Variants in RAI1 observed in about 807,000 individuals in gnomAD.
RAI1 encodes retinoic acid-induced protein 1.
RAI1 carries 9 observed loss-of-function variants against 123.8 expected under a neutral mutation model. The ratio of observed to expected loss-of-function variants is 0.07; its 90% CI spans 0.04 to 0.13. The LOEUF is 0.13. RAI1 is among the 10% of genes least tolerant of loss of function. The pLI is 1.00. For missense variants in RAI1, 2,256 were observed against 2,545.8 expected, an observed-to-expected ratio of 0.89 and a Z score of 2.45; for synonymous variants, 1,231 against 1,127.3, an observed-to-expected ratio of 1.09 and a Z score of -1.84.
At chr17:17,704,507 G>T (rs1303483724) in intron 1 of RAI1, among the ~76,000 whole-genome samples, 1 of 152,126 alleles carries the variant, frequency 6.6e-6, no homozygotes, top group African/African-American at 2.4e-5. Context: ...CACCCGTGCC[G>T]GGCAGTGGGG....
At chr17:17,716,228 G>A (rs1343286197) in intron 1 of RAI1, among the ~76,000 whole-genome samples, 1 of 152,224 alleles carries the variant, frequency 6.6e-6, no homozygotes, top group African/African-American at 2.4e-5. Flanking sequence ...GGAAGTGGCT[G>A]GAGGGGTCAC....
intron 2 of RAI1, among the ~76,000 whole-genome samples, chr17:17,745,388 G>A (rs1916790073): frequency 6.6e-6 from 1 of 151,222 alleles, no homozygotes. Flanking sequence ...TCTAAGTCAG[G>A]GAGCCATTGA....
At position 17,780,817 on chromosome 17, in the gene RAI1, T is replaced by C. The variant is rs148828122; in HGVS notation, c.-16-12116T>C. On this transcript the variant is annotated intron_variant, in intron 2 of 5. Coordinates refer to ENST00000353383, the MANE Select transcript of RAI1 (RefSeq NM_030665.4). ...CTAGCTGGCTGGGGGAGAAGCCCCT[T>C]GAGAACCCCCACTCTGTAATGCTAG... 5.5e-4 allele frequency among the ~76,000 whole-genome samples: 84 copies of C among 152,324 alleles called. 1 individual carries two copies. The highest frequency in any genetic ancestry group is 8.2e-4 in the Non-Finnish European group (56 of 68,012).
intron 1 of RAI1, among the ~76,000 whole-genome samples, chr17:17,713,303 T>G (rs962717414): frequency 1.3e-5 from 2 of 152,102 alleles, no homozygotes; most frequent in Non-Finnish European, 2.9e-5. Context: ...GCCCAGGAGT[T>G]CAAGACTAGA....
intron 1 of RAI1, among the ~76,000 whole-genome samples, chr17:17,716,681 G>A (rs1203109313): frequency 6.6e-6 from 1 of 152,184 alleles, no homozygotes; most frequent in East Asian, 1.9e-4. Context: ...GACTCTGGGT[G>A]TGTTTTGTGT....
chr17:17,715,357 C>G (rs1915677293), intron 1 of RAI1, among the ~76,000 whole-genome samples: 1 of 152,252 alleles, frequency 6.6e-6, no homozygotes, highest in South Asian at 2.1e-4. Flanking sequence ...ATGCCTCTCT[C>G]TTCTGCTTGC....
chr17:17,738,674 G>A (rs936423366), intron 2 of RAI1, among the ~76,000 whole-genome samples: 6 of 152,232 alleles, frequency 3.9e-5, no homozygotes, highest in African/African-American at 1.4e-4. Flanking sequence ...CCAGCTTGCA[G>A]CTGTGTGTGT....
intron 2 of RAI1, among the ~76,000 whole-genome samples, chr17:17,728,911 G>A (rs1916180672): frequency 6.6e-6 from 1 of 152,164 alleles, no homozygotes; most frequent in Non-Finnish European, 1.5e-5. Flanking sequence ...AGGACCCCTG[G>A]GAGGCTGGGG....
At chr17:17,695,625 C>T (rs1249947611) in intron 1 of RAI1, among the ~76,000 whole-genome samples, 1 of 151,882 alleles carries the variant, frequency 6.6e-6, no homozygotes, top group Non-Finnish European at 1.5e-5. Context: ...TTCCCAAGTT[C>T]AAGCGATTCT....
Position 17,796,941 on chromosome 17 carries a change from C to T in RAI1, c.3993C>T (p.Ala1331=). The change falls in exon 3 of 6, where the codon GCC becomes GCT. Residue 1331 remains alanine (A), a synonymous_variant. Coordinates refer to ENST00000353383, the MANE Select transcript of RAI1 (RefSeq NM_030665.4). The surrounding 1 kb of genome is among the most constrained non-coding windows in gnomAD (Gnocchi z 5.8). ...PRKGRGLKLE[A]IVQKITSPSL... ...AGGGCCGGGGCCTGAAGCTGGAAGC[C>T]ATCGTGCAGAAGATCACCTCGCCCA... is the stretch of plus-strand genomic sequence containing the variant. The T allele has an allele frequency of 1.2e-6, 2 of 1,613,632 alleles. No individual in the cohort carries two copies. Among genetic ancestry groups the T allele is most frequent in the Non-Finnish European group, 1.7e-6 (2 of 1,180,036 alleles).
intron 2 of RAI1, among the ~76,000 whole-genome samples, chr17:17,734,400 T>C (rs1916360607): frequency 6.6e-6 from 1 of 152,056 alleles, no homozygotes; most frequent in Non-Finnish European, 1.5e-5. Flanking sequence ...GCCAAGATTG[T>C]ACCACTGCAC....
intron 1 of RAI1, among the ~76,000 whole-genome samples, chr17:17,710,781 C>T (rs1182018728): frequency 1.3e-5 from 2 of 152,240 alleles, no homozygotes; most frequent in African/African-American, 4.8e-5. Context: ...TCTGGGAAGC[C>T]TGTGCATTCT....
At chr17:17,807,319 G>A (rs2032614743) in intron 4 of RAI1, among the ~76,000 whole-genome samples, 1 of 152,082 alleles carries the variant, frequency 6.6e-6, no homozygotes, top group Admixed American at 6.5e-5. Flanking sequence ...CTGATGTCTG[G>A]CCAGGGAGGA....
chr17:17,802,225 C>T (rs531861445), intron 3 of RAI1: 5 of 464,622 alleles, frequency 1.1e-5, no homozygotes, highest in African/African-American at 4.0e-5. Context: ...TAGAGGAGGA[C>T]GGCATCAGAT....
At chr17:17,689,357 G>A (rs191244904) in intron 1 of RAI1, among the ~76,000 whole-genome samples, 210 of 152,254 alleles carry the variant, frequency 1.4e-3, no homozygotes, top group African/African-American at 4.9e-3. Context: ...TTCTTTTCTA[G>A]CCAGGTCAAG....
intron 3 of RAI1, 99 bp downstream of exon 3, chr17:17,798,612 C>T: frequency 6.5e-7 from 1 of 1,537,670 alleles, no homozygotes; most frequent in South Asian, 1.2e-5. Flanking sequence ...ACAGTGTGGG[C>T]CAAATGTGTC....
chr17:17,757,083 G>T (rs1168426494), intron 2 of RAI1, among the ~76,000 whole-genome samples: 1 of 152,172 alleles, frequency 6.6e-6, no homozygotes, highest in Admixed American at 6.5e-5. Context: ...GGAGGCCCAG[G>T]GAGGGATAGG....
Position 17,810,885 on chromosome 17 carries a change from C to A in RAI1, c.*904C>A, listed in dbSNP as rs1286214835. On this transcript the variant is annotated 3_prime_UTR_variant, in exon 6 of 6. Coordinates refer to ENST00000353383, the MANE Select transcript of RAI1 (RefSeq NM_030665.4). The surrounding 1 kb of genome is among the most constrained non-coding windows in gnomAD (Gnocchi z 4.6). The stretch of plus-strand genomic sequence containing the variant: ...CGGGAGCAGGGACAGCGCTAGATTT[C>A]GTGTACAAAACCTGTGTACCCCTCT... 2 of 431,348 alleles carry A rather than the reference C, an allele frequency of 4.6e-6. No homozygotes were observed. The highest frequency in any genetic ancestry group is 4.1e-5 in the African/African-American group (2 of 49,362). 26.7% of individuals were successfully genotyped at this position (431,348 alleles called of 1,614,324 possible).
At position 17,687,597 on chromosome 17, in the gene RAI1, G is replaced by T. The variant is rs560767719; in HGVS notation, c.-149+5804G>T. Among the ~76,000 whole-genome samples the T allele has an allele frequency of 2.6e-5, 4 of 152,248 alleles. No homozygotes were observed. The East Asian group carries it at 7.7e-4, about 29-fold the overall frequency. On this transcript the variant is annotated intron_variant, in intron 1 of 5. Coordinates refer to ENST00000353383, the MANE Select transcript of RAI1 (RefSeq NM_030665.4). ...TCATCTGGAAGGCGAGATAGGGTCG[G>T]GGTAGGGGAAGGAGCACTGGATTCG...
Sources: allele counts gnomAD v4.1 joint callset (sites outside exome capture counted in the v4.1 genomes callset), GRCh38; gene constraint gnomAD v4.1.1; non-coding constraint Gnocchi (gnomAD v3.1); transcripts MANE v1.5; gene names NCBI Gene and HGNC (gene_info 2026-07-23, HGNC 2026-07-21).